SHISA9: variants seen among roughly 807,000 people sequenced by gnomAD.
SHISA9 encodes shisa family member 9.
In SHISA9, 13 loss-of-function variants were observed where a neutral mutation model predicts 38.0. That is an observed-to-expected ratio of 0.34 (90% CI 0.22 to 0.54). The LOEUF (loss-of-function observed/expected upper bound fraction) is 0.54, where lower values mean the gene tolerates loss of function less well. Ranked by LOEUF, SHISA9 falls within the 20% of genes least tolerant of loss-of-function variation. SHISA9 has a pLI of 0.91. For synonymous variants in SHISA9, 275 were observed against 242.0 expected (o/e 1.14, Z -1.27); for missense variants, 538 against 575.8 (o/e 0.93, Z 0.67).
intron 2 of SHISA9, among the ~76,000 whole-genome samples, chr16:12,955,706 G>A (rs1316190536): frequency 6.6e-6 from 1 of 150,634 alleles, no homozygotes; most frequent in Non-Finnish European, 1.5e-5. Flanking sequence ...CTAGCCATAT[G>A]CAGAAAAATA....
chr16:13,537,740 A>G, the SHISA9 span, among the ~76,000 whole-genome samples: 7 of 152,214 alleles, frequency 4.6e-5, no homozygotes, highest in African/African-American at 1.7e-4. Flanking sequence ...GCATTGTACC[A>G]TATGTAAATT....
chr16:13,397,672 G>A, the SHISA9 span, among the ~76,000 whole-genome samples: 1 of 152,118 alleles, frequency 6.6e-6, no homozygotes, highest in South Asian at 2.1e-4. Flanking sequence ...TTGAACTCAT[G>A]ATCTGCCCAC....
chr16:13,030,027 C>A (rs1405229412), intron 2 of SHISA9, among the ~76,000 whole-genome samples: 1 of 152,206 alleles, frequency 6.6e-6, no homozygotes. Flanking sequence ...TGAATGAGAT[C>A]ATTCATATCC....
intron 2 of SHISA9, among the ~76,000 whole-genome samples, chr16:13,024,844 G>A (rs375506591): frequency 3.9e-5 from 6 of 152,070 alleles, no homozygotes; most frequent in East Asian, 1.9e-4. Context: ...ACTTCCTGAC[G>A]CCTGGTTAGC....
the SHISA9 span, among the ~76,000 whole-genome samples, chr16:13,341,759 T>A: frequency 6.6e-6 from 1 of 152,106 alleles, no homozygotes; most frequent in Non-Finnish European, 1.5e-5. Flanking sequence ...AAGGCAAAAC[T>A]CTCCTTAAAG....
rs762019715 is a variant in SHISA9, at chr16:13,235,256, C to T, written c.1122C>T (p.Asn374=). 2 of 1,551,780 alleles carry T rather than the reference C, an allele frequency of 1.3e-6. No individual in the cohort carries two copies. The highest frequency in any genetic ancestry group is 1.7e-6 in the Non-Finnish European group (2 of 1,147,016). Residue 374 remains asparagine (N), a synonymous_variant, in exon 5 of 5, where the codon AAC becomes AAT. Coordinates refer to ENST00000558583, the MANE Select transcript of SHISA9 (RefSeq NM_001145204.3). ...CCAACTTTAAGGGCTGGGACCCCAACGAGCAGTCCCTCCGGCGGCAGGCTT... is the reference window on the plus strand; with the variant it reads ...CCAACTTTAAGGGCTGGGACCCCAATGAGCAGTCCCTCCGGCGGCAGGCTT... The part of the protein sequence containing the change: ...STTNFKGWDP[N]EQSLRRQAYS...
chr16:13,031,425 A>T (rs139491989), intron 2 of SHISA9, among the ~76,000 whole-genome samples: 22 of 152,300 alleles, frequency 1.4e-4, no homozygotes, highest in Non-Finnish European at 2.6e-4. Flanking sequence ...GGGATGCCTG[A>T]GGTAGAGTGG....
intron 2 of SHISA9, among the ~76,000 whole-genome samples, chr16:13,184,660 T>G (rs12919355): frequency 0.061 from 9,253 of 152,300 alleles, 308 homozygotes; most frequent in Middle Eastern, 0.11. Flanking sequence ...CTCTGTCTTC[T>G]GTCCCTATAA....
intron 2 of SHISA9, among the ~76,000 whole-genome samples, chr16:13,000,770 T>C (rs899430390): frequency 6.6e-6 from 1 of 152,342 alleles, no homozygotes; most frequent in South Asian, 2.1e-4. Context: ...ATGATTGTTA[T>C]GACTGATTTA....
chr16:13,294,149 A>T, the SHISA9 span, among the ~76,000 whole-genome samples: 1 of 152,184 alleles, frequency 6.6e-6, no homozygotes, highest in African/African-American at 2.4e-5. Context: ...TCATTGGATT[A>T]TGCTAAGGGG....
chr16:13,455,695 T>C, the SHISA9 span, among the ~76,000 whole-genome samples: 25,543 of 152,192 alleles, frequency 0.17, 2,161 homozygotes, highest in African/African-American at 0.18. Context: ...GTGTGGAGTT[T>C]TGCAGTTAAC....
the SHISA9 span, among the ~76,000 whole-genome samples, chr16:13,494,138 C>G: frequency 6.6e-6 from 1 of 152,190 alleles, no homozygotes; most frequent in African/African-American, 2.4e-5. Flanking sequence ...AGATTTAATG[C>G]ACTGGTGCTG....
At chr16:12,934,443 T>G (rs145117351) in intron 2 of SHISA9, among the ~76,000 whole-genome samples, 146 of 152,350 alleles carry the variant, frequency 9.6e-4, no homozygotes, top group African/African-American at 2.9e-3. Flanking sequence ...CCATTTACAT[T>G]TATGTTCATC....
intron 2 of SHISA9, among the ~76,000 whole-genome samples, chr16:13,170,619 G>T (rs2142020786): frequency 6.6e-6 from 1 of 152,288 alleles, no homozygotes; most frequent in Non-Finnish European, 1.5e-5. Context: ...TGCACATCCT[G>T]CACATGTACC....
intron 4 of SHISA9, among the ~76,000 whole-genome samples, chr16:13,221,712 C>T (rs1168602564): frequency 6.6e-6 from 1 of 152,034 alleles, no homozygotes. Context: ...ATTGTGCAAC[C>T]ATCATTACAG....
chr16:12,982,332 C>G (rs1381179224), intron 2 of SHISA9, among the ~76,000 whole-genome samples: 1 of 152,204 alleles, frequency 6.6e-6, no homozygotes, highest in Non-Finnish European at 1.5e-5. Flanking sequence ...AAGTGCACAG[C>G]TAGTGATTGC....
At chr16:13,472,800 C>T in the SHISA9 span, among the ~76,000 whole-genome samples, 1 of 152,144 alleles carries the variant, frequency 6.6e-6, no homozygotes, top group African/African-American at 2.4e-5. Flanking sequence ...CCCATTAATT[C>T]CATCTACTGT....
chr16:13,251,576 A>G, the SHISA9 span, among the ~76,000 whole-genome samples: 4 of 151,862 alleles, frequency 2.6e-5, no homozygotes, highest in Non-Finnish European at 5.9e-5. Context: ...GACAATTCTA[A>G]GTGATTTCTT....
At position 13,065,607 on chromosome 16, in the gene SHISA9, C is replaced by A. The variant is rs1426220717; in HGVS notation, c.692-137787C>A. ...AGATTTCTTTTCTGCTTTTAATGTTCTTTTACTAATTAAAAGTTTCTGTTG... is the reference window on the plus strand; with the variant it reads ...AGATTTCTTTTCTGCTTTTAATGTTATTTTACTAATTAAAAGTTTCTGTTG... On this transcript the variant is annotated intron_variant, in intron 2 of 4. Transcript: ENST00000558583. 2.0e-5 allele frequency among the ~76,000 whole-genome samples: 3 copies of A among 152,220 alleles called. No homozygotes were observed. In the East Asian group the frequency reaches 5.8e-4, roughly 29 times the overall value.
Sources: allele counts gnomAD v4.1 joint callset (sites outside exome capture counted in the v4.1 genomes callset), GRCh38; gene constraint gnomAD v4.1.1; transcripts MANE v1.5; gene names NCBI Gene and HGNC (gene_info 2026-07-23, HGNC 2026-07-21).